The following ECPAS variants were observed in gnomAD, a reference collection of about 807,000 sequenced individuals.
ECPAS encodes the protein Ecm29 proteasome adaptor and scaffold.
A neutral mutation model predicts 255.1 loss-of-function variants in ECPAS; 70 were observed. The ratio of observed to expected loss-of-function variants is 0.27; its 90% confidence interval spans 0.23 to 0.33. ECPAS has a LOEUF of 0.33. ECPAS is among the 10% of genes least tolerant of loss of function. ECPAS has a pLI of 1.00. For missense variants in ECPAS, 1,817 were observed against 2,206.4 expected (o/e 0.82, Z 3.54); for synonymous variants, 784 against 775.0 (o/e 1.01, Z -0.19).
chr9:111,423,102 G>T, intron 13 of ECPAS, 97 bp downstream of exon 13: 1 of 852,090 alleles, frequency 1.2e-6, no homozygotes, highest in South Asian at 1.6e-5. Flanking sequence ...TTCCCTTTCA[G>T]AATCACGACA....
chr9:111,424,464 G>A (rs1268270153), intron 12 of ECPAS, among the ~76,000 whole-genome samples: 2 of 152,174 alleles, frequency 1.3e-5, no homozygotes, highest in African/African-American at 4.8e-5. Context: ...ATGCATTCAT[G>A]TTTAGCTTAG....
chr9:111,390,894 T>C (rs1375263068), intron 29 of ECPAS, among the ~76,000 whole-genome samples: 2 of 152,188 alleles, frequency 1.3e-5, no homozygotes, highest in Admixed American at 1.3e-4. Flanking sequence ...CGGCAGTGGG[T>C]GCACCTAGCT....
intron 3 of ECPAS, among the ~76,000 whole-genome samples, chr9:111,450,376 T>C (rs1747481873): frequency 6.6e-6 from 1 of 152,182 alleles, no homozygotes; most frequent in Non-Finnish European, 1.5e-5. Flanking sequence ...ATGACAAGAA[T>C]GCCCATTCCC....
In ECPAS at chr9:111,422,053, T is replaced by A. The variant is rs1246037201; in HGVS notation, c.1333-10A>T. On this transcript the variant is annotated splice_polypyrimidine_tract_variant and intron_variant, in intron 14 of 49. Transcript: ENST00000684092. ...GAGTCTCAGGCTCTTCCTATAAAGA[T>A]GATAAAAATGTTTCCCTCCTTGTTG... The A allele has an allele frequency of 3.7e-6, 6 of 1,613,468 alleles. No individual in the cohort carries two copies. In the East Asian group the frequency reaches 8.9e-5, roughly 24 times the overall value.
In ECPAS at chr9:111,425,350, C is replaced by G. The variant is rs899234547; in HGVS notation, c.1215+68G>C. 12 of 1,025,736 alleles carry G rather than the reference C, an allele frequency of 1.2e-5. No individual in the cohort carries two copies. In the African/African-American group the frequency reaches 1.6e-4, roughly 14 times the overall value. The allele number at this position is 1,025,736 out of a possible 1,614,324, so 63.5% of individuals were successfully genotyped here. On this transcript the variant is annotated intron_variant, in intron 12 of 49. Coordinates refer to ENST00000684092, the MANE Select transcript of ECPAS (RefSeq NM_001364929.1). The stretch of plus-strand genomic sequence containing the variant: ...ACTTTTAACTAACTACATTGACAGA[C>G]CAGAAATATTATAGAAAATACTTTA...
At chr9:111,415,330 G>A (rs189852541) in intron 18 of ECPAS, among the ~76,000 whole-genome samples, 27 of 152,056 alleles carry the variant, frequency 1.8e-4, no homozygotes, top group African/African-American at 6.3e-4. Flanking sequence ...TTCCAGTTGT[G>A]TTTACTCCAT....
chr9:111,366,347 A>C lies in ECPAS; in HGVS notation c.5220-20T>G. The stretch of plus-strand genomic sequence containing the variant: ...ATTAACCTATACAAATCAGAAAGCA[A>C]GGTACAAATGCCAATTATTAAGAAA... On this transcript the variant is annotated intron_variant, in intron 47 of 49. Coordinates refer to ENST00000684092, the MANE Select transcript of ECPAS (RefSeq NM_001364929.1). The C allele has an allele frequency of 1.3e-6, 2 of 1,531,680 alleles. No homozygotes were observed. Among genetic ancestry groups the C allele is most frequent in the Non-Finnish European group, 1.8e-6 (2 of 1,125,734 alleles). 94.9% of individuals were successfully genotyped at this position (1,531,680 alleles called of 1,614,324 possible). A position where few individuals can be genotyped will look rare whatever the true frequency, so the allele number is the denominator to read the frequency against.
chr9:111,480,259 T>A, intron 1 of ECPAS, among the ~76,000 whole-genome samples: 1 of 150,682 alleles, frequency 6.6e-6, no homozygotes. Flanking sequence ...ATTCTCTCCT[T>A]TTTTTTTAGT....
At chr9:111,430,895 A>C (rs2098228868) in intron 8 of ECPAS, among the ~76,000 whole-genome samples, 1 of 152,230 alleles carries the variant, frequency 6.6e-6, no homozygotes, top group Non-Finnish European at 1.5e-5. Context: ...GTACCACAAG[A>C]ACACTGGACA....
At position 111,378,582 on chromosome 9, in the gene ECPAS, T is replaced by C. The variant is rs770681339; in HGVS notation, c.3952A>G (p.Lys1318Glu). 3.1e-6 allele frequency: 5 copies of C among 1,612,820 alleles called. No homozygotes were observed. The South Asian group carries it at 3.3e-5, about 11-fold the overall frequency. ...YLSLRATEQE[K>E]AAMDSARLSA... is the part of the protein sequence containing the mutation. ...ATATGCCTGCGCTATCCACTCACCT[T>C]TTCTTGCTCTGTCGCCCGGAGGCTC... Residue 1318 changes from lysine to glutamate, a missense_variant and splice_region_variant, in exon 36 of 50, where the codon AAG becomes GAG. By Grantham distance (56) the Lys-to-Glu change is moderately conservative. Transcript: ENST00000684092.
rs547811825 is a variant in ECPAS, at chr9:111,474,585, G to A, written c.-82-1585C>T. On this transcript the variant is annotated intron_variant, in intron 1 of 49. Transcript: ENST00000684092. ...TACAAAACAGACCTACTCATGTTAC[G>A]CTCCTGCTTAAAAGCTCTGATGGTT... Among the ~76,000 whole-genome samples the A allele has an allele frequency of 1.7e-3, 254 of 152,190 alleles. 1 individual carries two copies. Among genetic ancestry groups the A allele is most frequent in the Non-Finnish European group, 1.0e-3 (69 of 68,020 alleles).
At chr9:111,480,582 GCCA>G (rs1034589763) in intron 1 of ECPAS, among the ~76,000 whole-genome samples, 3 of 152,222 alleles carry the variant, frequency 2.0e-5, no homozygotes, top group Admixed American at 2.0e-4. Context: ...ACAGGTGTGA[GCCA>G]CCACACCTGG....
chr9:111,413,979 C>G lies in ECPAS; in HGVS notation c.1995G>C (p.Pro665=). The G allele has an allele frequency of 6.4e-7, 1 of 1,573,574 alleles. No homozygotes were observed. The highest frequency in any genetic ancestry group is 8.6e-7 in the Non-Finnish European group (1 of 1,158,830). The change falls in exon 20 of 50, where the codon CCG becomes CCC. Residue 665 remains proline, a synonymous_variant. Transcript: ENST00000684092. ...CAGCTTCCAATAGACAGTACATAAC[C>G]GGCAAACCTAAATAAGAATTCAGAA... is the stretch of plus-strand genomic sequence containing the variant. ...QQLLAGVGGL[P]VMYCLLEAVS... is the part of the protein sequence containing the mutation.
chr9:111,378,712 C>T lies in ECPAS; in HGVS notation c.3822G>A (p.Lys1274=), dbSNP rs1245012017. The T allele has an allele frequency of 6.2e-7, 1 of 1,613,280 alleles. No homozygotes were observed. The highest frequency in any genetic ancestry group is 2.2e-5 in the East Asian group (1 of 44,848). The change falls in exon 36 of 50, where the codon AAG becomes AAA. Residue 1274 remains lysine (K), a synonymous_variant. Coordinates refer to ENST00000684092, the MANE Select transcript of ECPAS (RefSeq NM_001364929.1). The stretch of plus-strand genomic sequence containing the variant: ...ACATGGCTCCTGCACTTTTGCTGAT[C>T]TTCACAAGGGTGTTAATGCTACAAA... ...VRALSINTLV[K]ISKSAGAMLK...
intron 10 of ECPAS, among the ~76,000 whole-genome samples, chr9:111,427,120 C>T (rs540563000): frequency 6.7e-6 from 1 of 148,974 alleles, no homozygotes; most frequent in Admixed American, 6.7e-5. Context: ...GATTGTGCCA[C>T]TGCACTCCAG....
chr9:111,460,467 A>G (rs971343902), intron 2 of ECPAS, among the ~76,000 whole-genome samples: 1 of 152,230 alleles, frequency 6.6e-6, no homozygotes, highest in Non-Finnish European at 1.5e-5. Flanking sequence ...TCAAATTTGT[A>G]CTGCAAATTT....
intron 2 of ECPAS, among the ~76,000 whole-genome samples, chr9:111,465,048 G>A (rs1564564113): frequency 1.3e-5 from 2 of 151,944 alleles, no homozygotes. Context: ...TGAGGCAGGA[G>A]AATAGCTTAA....
intron 3 of ECPAS, among the ~76,000 whole-genome samples, chr9:111,445,084 C>A (rs1047786650): frequency 2.0e-5 from 3 of 148,602 alleles, no homozygotes; most frequent in Admixed American, 6.8e-5. Flanking sequence ...CAACTTCTGC[C>A]TTCTGAGTTC....
At chr9:111,478,020 C>G (rs2098298638) in intron 1 of ECPAS, among the ~76,000 whole-genome samples, 1 of 151,866 alleles carries the variant, frequency 6.6e-6, no homozygotes. Context: ...CCCCACTCAG[C>G]CTCCCAAGTA....
Sources: gnomAD v4.1 joint callset for allele counts (sites outside exome capture counted in the v4.1 genomes callset) on GRCh38, gnomAD v4.1.1 for gene constraint, MANE v1.5 for transcripts, NCBI Gene and HGNC (gene_info 2026-07-23, HGNC 2026-07-21) for gene names.